VAMP4: variants seen among roughly 807,000 people sequenced by gnomAD.
The protein encoded by VAMP4 is vesicle associated membrane protein 4, also known as vesicle-associated membrane protein 4.
VAMP4 carries 19 observed loss-of-function variants against 23.5 expected under a neutral mutation model. That is an observed-to-expected ratio of 0.81 (90% CI 0.56 to 1.19). The LOEUF (loss-of-function observed/expected upper bound fraction) is 1.19. Ranked by LOEUF, VAMP4 falls within the 50% of genes most tolerant of loss-of-function variation. VAMP4 has a pLI of 0.00. For synonymous variants in VAMP4, 31 were observed against 51.0 expected (o/e 0.61, Z 1.67); for missense variants, 145 against 168.6 (o/e 0.86, Z 0.78).
intron 3 of VAMP4, 30 bp from the exon 4 acceptor site, chr1:171,719,251 T>G (rs1446153721): frequency 1.3e-6 from 2 of 1,580,458 alleles, no homozygotes; most frequent in Non-Finnish European, 1.7e-6. Context: ...AAGTACATAT[T>G]AGTAGTGACA....
chr1:171,734,890 C>T (rs1411642254), intron 2 of VAMP4, among the ~76,000 whole-genome samples: 2 of 152,032 alleles, frequency 1.3e-5, no homozygotes, highest in African/African-American at 4.8e-5. Context: ...AAAATGTATT[C>T]ATAAAGCTTA....
chr1:171,724,654 A>G (rs970947715), intron 3 of VAMP4, among the ~76,000 whole-genome samples: 13 of 152,194 alleles, frequency 8.5e-5, no homozygotes, highest in African/African-American at 3.1e-4. Context: ...CCCCAAATTC[A>G]TCTATAGGTT....
At chr1:171,725,833 G>A (rs528814534) in intron 3 of VAMP4, among the ~76,000 whole-genome samples, 2 of 151,752 alleles carry the variant, frequency 1.3e-5, no homozygotes, top group South Asian at 4.2e-4. Flanking sequence ...TGGGATTACA[G>A]GTGCACACCA....
intron 7 of VAMP4, among the ~76,000 whole-genome samples, chr1:171,705,328 G>C (rs1654615520): frequency 1.3e-5 from 2 of 152,110 alleles, no homozygotes; most frequent in African/African-American, 4.8e-5. Context: ...CTCTTGTACT[G>C]AGCAACACTA....
intron 4 of VAMP4, among the ~76,000 whole-genome samples, chr1:171,715,872 G>A (rs898418374): frequency 4.6e-5 from 7 of 152,006 alleles, no homozygotes; most frequent in African/African-American, 1.7e-4. Flanking sequence ...ATGGTGGCAC[G>A]TGCCTGAAGT....
intron 7 of VAMP4, among the ~76,000 whole-genome samples, chr1:171,705,936 C>T (rs956851270): frequency 6.6e-6 from 1 of 151,944 alleles, no homozygotes; most frequent in African/African-American, 2.4e-5. Flanking sequence ...ATCTGGAGAA[C>T]GTATTTGGAT....
At chr1:171,705,848 G>A (rs1654630735) in intron 7 of VAMP4, among the ~76,000 whole-genome samples, 1 of 151,958 alleles carries the variant, frequency 6.6e-6, no homozygotes, top group Non-Finnish European at 1.5e-5. Context: ...AGGGAAAAAG[G>A]ACGGGAAGGA....
At position 171,728,575 on chromosome 1, in the gene VAMP4, C is replaced by T. The variant is rs145453741; in HGVS notation, c.67-5G>A. On this transcript the variant is annotated splice_region_variant and splice_polypyrimidine_tract_variant and intron_variant, in intron 2 of 7. Coordinates refer to ENST00000236192, the MANE Select transcript of VAMP4 (RefSeq NM_003762.5). ...ATCATCTTCCAAAAGATTTCTCTGT[C>T]AAAAAAAGAAAAAGACTTGAGTTTT... 9 of 1,553,286 alleles carry T rather than the reference C, an allele frequency of 5.8e-6. No individual in the cohort carries two copies. In the African/African-American group the frequency reaches 1.3e-4, roughly 22 times the overall value.
intron 5 of VAMP4, among the ~76,000 whole-genome samples, chr1:171,710,446 A>G (rs1404089761): frequency 6.6e-6 from 1 of 152,140 alleles, no homozygotes; most frequent in Non-Finnish European, 1.5e-5. Flanking sequence ...AAGTTCATCA[A>G]TATCACAGGG....
intron 4 of VAMP4, among the ~76,000 whole-genome samples, chr1:171,717,991 C>A (rs1248710475): frequency 6.6e-6 from 1 of 152,006 alleles, no homozygotes; most frequent in Non-Finnish European, 1.5e-5. Context: ...CTGGTGATAC[C>A]CTGATTGCCA....
At chr1:171,741,695 C>T (rs1392218978) in intron 1 of VAMP4, among the ~76,000 whole-genome samples, 3 of 152,146 alleles carry the variant, frequency 2.0e-5, no homozygotes, top group African/African-American at 7.2e-5. Context: ...TTCTCTCCCT[C>T]AACTGCTCCT....
chr1:171,700,164 TG>T lies in VAMP4; in HGVS notation c.*4341del, dbSNP rs1029406543. On this transcript the variant is annotated 3_prime_UTR_variant, in exon 8 of 8. Coordinates refer to ENST00000236192, the MANE Select transcript of VAMP4 (RefSeq NM_003762.5). ...TGAATAAGCCAAAGTGCTTAATTTT[TG>T]TTTTCTATGAAATAGTTTATTTCAT... 1.8e-4 allele frequency: 28 copies of T among 152,244 alleles called. No homozygotes were observed. Among genetic ancestry groups the T allele is most frequent in the African/African-American group, 6.5e-4 (27 of 41,466 alleles). The allele number at this position is 152,244 out of a possible 1,614,324, so 9.4% of individuals were successfully genotyped here.
intron 4 of VAMP4, among the ~76,000 whole-genome samples, chr1:171,716,342 T>C (rs899605823): frequency 6.6e-6 from 1 of 152,212 alleles, no homozygotes; most frequent in African/African-American, 2.4e-5. Flanking sequence ...TCTGCTTATA[T>C]AAATGAAACC....
chr1:171,741,176 T>C (rs1372199745), intron 1 of VAMP4, among the ~76,000 whole-genome samples: 2 of 152,226 alleles, frequency 1.3e-5, no homozygotes, highest in African/African-American at 4.8e-5. Flanking sequence ...GTATGCTTCT[T>C]ATACATCAGC....
At chr1:171,732,360 G>GAAA (rs532876540) in intron 2 of VAMP4, among the ~76,000 whole-genome samples, 1 of 123,546 alleles carries the variant, frequency 8.1e-6, no homozygotes, top group Non-Finnish European at 1.7e-5. Flanking sequence ...GTCTCTATGG[G>GAAA]AAAAAAAAAA....
In VAMP4 at chr1:171,704,310, T is replaced by A. The variant is rs1188729347; in HGVS notation, c.*196A>T. On this transcript the variant is annotated 3_prime_UTR_variant, in exon 8 of 8. Coordinates refer to ENST00000236192, the MANE Select transcript of VAMP4 (RefSeq NM_003762.5). ...CTAGTTCTCTTTGCCTTAAACATAA[T>A]TATTAAAAGAACATTTTGTTAGAAA... 1.0e-5 allele frequency: 4 copies of A among 384,676 alleles called. No homozygotes were observed. Among genetic ancestry groups the A allele is most frequent in the Non-Finnish European group, 1.9e-5 (4 of 211,302 alleles). 23.8% of individuals were successfully genotyped at this position (384,676 alleles called of 1,614,324 possible).
At position 171,701,704 on chromosome 1, in the gene VAMP4, TATATA is replaced by T. The variant is rs1654459144; in HGVS notation, c.*2797_*2801del. The T allele has an allele frequency of 6.6e-6, 1 of 152,160 alleles. No homozygotes were observed. The allele number at this position is 152,160 out of a possible 1,614,324, so 9.4% of individuals were successfully genotyped here. A position where few individuals can be genotyped will look rare whatever the true frequency, so the allele number is the denominator to read the frequency against. On this transcript the variant is annotated 3_prime_UTR_variant, in exon 8 of 8. Coordinates refer to ENST00000236192, the MANE Select transcript of VAMP4 (RefSeq NM_003762.5). ...TCTATTAATTACCCTTCCTCCATCT[TATATA>T]ATATTCCATCTTCAGTAATGAACTT...
At chr1:171,740,289 T>G (rs1443098629) in intron 1 of VAMP4, among the ~76,000 whole-genome samples, 1 of 152,230 alleles carries the variant, frequency 6.6e-6, no homozygotes, top group East Asian at 1.9e-4. Context: ...AACAACCCAA[T>G]AGTCCTGCTT....
At chr1:171,728,038 T>C (rs756310665) in intron 3 of VAMP4, among the ~76,000 whole-genome samples, 1 of 152,194 alleles carries the variant, frequency 6.6e-6, no homozygotes, top group South Asian at 2.1e-4. Context: ...CTCTCACCCA[T>C]GGTTTTGCTT....
Sources: gnomAD v4.1 joint callset for allele counts (sites outside exome capture counted in the v4.1 genomes callset) on GRCh38, gnomAD v4.1.1 for gene constraint, MANE v1.5 for transcripts, NCBI Gene and HGNC (gene_info 2026-07-23, HGNC 2026-07-21) for gene names.